SYT14: variants seen among roughly 807,000 people sequenced by gnomAD.
The protein encoded by SYT14 is synaptotagmin 14, also known as synaptotagmin-14.
In SYT14, 32 loss-of-function variants were observed where a neutral mutation model predicts 74.2. That is an observed-to-expected ratio of 0.43 (90% CI 0.33 to 0.58). The LOEUF (loss-of-function observed/expected upper bound fraction) is 0.58. SYT14 is among the 20% of genes least tolerant of loss of function. The pLI, the probability that SYT14 is intolerant of heterozygous loss-of-function variation, is 0.05. For synonymous variants in SYT14, 298 were observed against 337.7 expected (o/e 0.88, Z 1.29); for missense variants, 791 against 981.8 (o/e 0.81, Z 2.60).
At chr1:210,100,320 T>C (rs1489225224) in exon 7 of SYT14, 5 of 1,614,136 alleles carry the variant, frequency 3.1e-6, no homozygotes, top group East Asian at 2.2e-5. Flanking sequence ...TTGGAAATTA[T>C]GCAGTTCGGT....
At chr1:210,132,862 C>A (rs1286497624) in intron 7 of SYT14, among the ~76,000 whole-genome samples, 1 of 152,142 alleles carries the variant, frequency 6.6e-6, no homozygotes, top group East Asian at 1.9e-4. Context: ...CATTGTGAAT[C>A]TTCCCCACTG....
chr1:210,147,102 C>A (rs190123776), intron 7 of SYT14, among the ~76,000 whole-genome samples: 78 of 151,182 alleles, frequency 5.2e-4, no homozygotes, highest in Admixed American at 2.6e-3. Flanking sequence ...TAATAGGGCT[C>A]TGTGAAAGAC....
intron 1 of SYT14, among the ~76,000 whole-genome samples, chr1:209,942,991 T>C (rs2078760563): frequency 6.6e-6 from 1 of 152,174 alleles, no homozygotes; most frequent in Non-Finnish European, 1.5e-5. Flanking sequence ...ACATATATTG[T>C]ATTTTTAAAA....
intron 2 of SYT14, among the ~76,000 whole-genome samples, chr1:209,970,917 T>C (rs1055208905): frequency 6.6e-6 from 1 of 151,956 alleles, no homozygotes; most frequent in African/African-American, 2.4e-5. Context: ...TGACATCAGG[T>C]GATCCACCTG....
At chr1:209,938,378 C>T in intron 1 of SYT14, 101 bp downstream of exon 1, 2 of 1,306,322 alleles carry the variant, frequency 1.5e-6, no homozygotes, top group Non-Finnish European at 2.1e-6. Context: ...GGGCCGCCTC[C>T]TGTGGTCTGG....
At chr1:210,100,251 A>C in exon 7 of SYT14, 1 of 1,614,150 alleles carries the variant, frequency 6.2e-7, no homozygotes, top group Non-Finnish European at 8.5e-7. Context: ...GCATCCAGAG[A>C]GGACCATGCC....
chr1:210,006,961 A>G (rs1458648065), intron 2 of SYT14, among the ~76,000 whole-genome samples: 2 of 151,884 alleles, frequency 1.3e-5, no homozygotes, highest in Admixed American at 6.6e-5. Flanking sequence ...GTGACAAAAT[A>G]TAATGGAGAA....
intron 2 of SYT14, among the ~76,000 whole-genome samples, chr1:209,956,300 A>G (rs772227785): frequency 1.3e-5 from 2 of 152,200 alleles, no homozygotes; most frequent in Admixed American, 6.5e-5. Flanking sequence ...TGACTCAAAC[A>G]GGATAGAGGT....
chr1:209,979,747 T>A (rs1429507687), intron 2 of SYT14, among the ~76,000 whole-genome samples: 2 of 152,238 alleles, frequency 1.3e-5, no homozygotes, highest in Non-Finnish European at 2.9e-5. Flanking sequence ...GGATAACAGC[T>A]TGTGGCTCCA....
At position 210,036,274 on chromosome 1, in the gene SYT14, A is replaced by AT. The variant is rs1278802708; in HGVS notation, c.1312+15024dup. ...AAATGCTGCTGATTTCTGCTCATTG[A>AT]TTTTGTATCCTGAAACTTTACTGAA... On this transcript the variant is annotated intron_variant, in intron 5 of 9. Transcript: ENST00000637265. Among the ~76,000 whole-genome samples, 2 of 151,936 alleles carry AT rather than the reference A, an allele frequency of 1.3e-5. 1 individual carries two copies. The highest frequency in any genetic ancestry group is 6.3e-3 in the Middle Eastern group (2 of 316).
chr1:210,131,793 C>T (rs2082679344), intron 7 of SYT14, among the ~76,000 whole-genome samples: 1 of 152,108 alleles, frequency 6.6e-6, no homozygotes, highest in Non-Finnish European at 1.5e-5. Flanking sequence ...TCTGTTGCAG[C>T]CATCCCTTCT....
intron 7 of SYT14, among the ~76,000 whole-genome samples, chr1:210,123,729 C>G (rs547249845): frequency 9.2e-5 from 14 of 152,170 alleles, no homozygotes; most frequent in African/African-American, 9.6e-5. Context: ...GGAATGTATT[C>G]TTAAATATAA....
intron 7 of SYT14, among the ~76,000 whole-genome samples, chr1:210,100,954 T>TC (rs1281698344): frequency 6.6e-6 from 1 of 152,154 alleles, no homozygotes; most frequent in Non-Finnish European, 1.5e-5. Context: ...TTTTAAAATT[T>TC]CAAAATAAAT....
chr1:209,985,568 C>T (rs1201199308), intron 2 of SYT14, among the ~76,000 whole-genome samples: 1 of 152,220 alleles, frequency 6.6e-6, no homozygotes, highest in Non-Finnish European at 1.5e-5. Flanking sequence ...ACTCTGGAGT[C>T]TGGAGAACAG....
chr1:210,067,760 T>C (rs1479722121), intron 5 of SYT14, among the ~76,000 whole-genome samples: 3 of 151,946 alleles, frequency 2.0e-5, no homozygotes, highest in Non-Finnish European at 2.9e-5. Flanking sequence ...TTTCACATTT[T>C]TGTGGAGTTC....
Position 210,016,372 on chromosome 1 carries a change from TG to T in SYT14, c.370del (p.Asp124IlefsTer20). 8.1e-7 allele frequency: 1 copy of T among 1,232,086 alleles called. No homozygotes were observed. The highest frequency in any genetic ancestry group is 1.0e-6 in the Non-Finnish European group (1 of 987,910). The allele number at this position is 1,232,086 out of a possible 1,614,324, so 76.3% of individuals were successfully genotyped here. A position where few individuals can be genotyped will look rare whatever the true frequency, so the allele number is the denominator to read the frequency against. On this transcript the variant is annotated frameshift_variant, in exon 4 of 10. Coordinates refer to ENST00000637265, the Ensembl canonical transcript of SYT14. LOFTEE classifies it high-confidence loss of function. Reference sequence around the variant, plus strand: ...AAGAAAGAGTATTTAAACATGTTAATGATAGGCAACAAACTCTATCAGAATA... The same window carrying T: ...AAGAAAGAGTATTTAAACATGTTAATATAGGCAACAAACTCTATCAGAATA...
chr1:210,083,342 A>G (rs902427708), intron 5 of SYT14, among the ~76,000 whole-genome samples: 2 of 152,196 alleles, frequency 1.3e-5, no homozygotes, highest in African/African-American at 4.8e-5. Flanking sequence ...TAAAGATTAG[A>G]CTTTCAAGGC....
At chr1:210,016,355 G>A in exon 4 of SYT14, 1 of 1,232,072 alleles carries the variant, frequency 8.1e-7, no homozygotes, top group South Asian at 4.1e-5. Context: ...TGAAGAAAGA[G>A]TATTTAAACA....
intron 2 of SYT14, among the ~76,000 whole-genome samples, chr1:210,005,533 C>T (rs2079974083): frequency 1.3e-5 from 2 of 151,912 alleles, no homozygotes; most frequent in African/African-American, 2.4e-5. Context: ...TAGATATTGT[C>T]CATGCCGTTT....
Sources: allele counts gnomAD v4.1 joint callset (sites outside exome capture counted in the v4.1 genomes callset), GRCh38; gene constraint gnomAD v4.1.1; transcripts MANE v1.5; gene names NCBI Gene and HGNC (gene_info 2026-07-23, HGNC 2026-07-21).